Variants in GON4L observed in about 807,000 individuals in gnomAD.
GON4L encodes gon-4 like, also known as GON-4-like protein.
A neutral mutation model predicts 211.8 loss-of-function variants in GON4L; 87 were observed. The observed-to-expected ratio is 0.41, with a 90% CI of 0.35 to 0.49. The LOEUF is 0.49. Ranked by LOEUF, GON4L falls within the 20% of genes least tolerant of loss-of-function variation. The pLI is 0.15. For synonymous variants in GON4L, 875 were observed against 962.6 expected, an observed-to-expected ratio of 0.91 and a Z score of 1.68; for missense variants, 2,155 against 2,659.5, an observed-to-expected ratio of 0.81 and a Z score of 4.17.
Position 155,773,150 on chromosome 1 carries a change from A to T in GON4L, c.2411T>A (p.Phe804Tyr). 1 of 1,614,008 alleles carries T rather than the reference A, an allele frequency of 6.2e-7. No individual in the cohort carries two copies. ...VAWILATSKV[F>Y]MYPELLPVCS... ...CACTGGAAGTAACTCTGGATACATG[A>T]AAACCTTGCTTGTGGCCAGAATCCA... The change falls in exon 18 of 32, where the codon TTC (phenylalanine) becomes TAC (tyrosine). Residue 804 changes from phenylalanine to tyrosine, a missense_variant. Phe to Tyr is a conservative substitution (Grantham distance 22, BLOSUM62 3). Around this residue, in one of 6 missense-constraint regions of GON4L, gnomAD observed 551 missense variants for 854.0 expected, o/e 0.65. Coordinates refer to ENST00000368331, the MANE Select transcript of GON4L (RefSeq NM_001282860.2).
intron 19 of GON4L, among the ~76,000 whole-genome samples, chr1:155,769,239 G>C (rs1662902569): frequency 6.6e-6 from 1 of 152,094 alleles, no homozygotes; most frequent in African/African-American, 2.4e-5. Flanking sequence ...GCCTCCCAAA[G>C]ACCTGGGATT....
intron 19 of GON4L, among the ~76,000 whole-genome samples, chr1:155,767,980 G>C (rs922156911): frequency 2.0e-5 from 3 of 151,962 alleles, no homozygotes; most frequent in African/African-American, 7.3e-5. Context: ...AGAAGAGAAG[G>C]GGGGAAAAAA....
Position 155,841,455 on chromosome 1 carries a change from T to C in GON4L, c.505+11821A>G, listed in dbSNP as rs541353693. Among the ~76,000 whole-genome samples the C allele has an allele frequency of 1.8e-4, 27 of 152,354 alleles. 1 individual carries two copies. Among genetic ancestry groups the C allele is most frequent in the Admixed American group, 8.5e-4 (13 of 15,310 alleles). ...TAATTGCTGCAAGCCAAGATTACAA[T>C]AGCTCAATGCACAGAATTTATAGAT... On this transcript the variant is annotated intron_variant, in intron 2 of 31. Transcript: ENST00000368331.
Position 155,773,467 on chromosome 1 carries a change from C to T in GON4L, c.2351-257G>A, listed in dbSNP as rs112376613. ...CACTTTATTCACTAAGTAAAACAAA[C>T]ACTTAAAAAGCACCTAGTAAAATAA... On this transcript the variant is annotated intron_variant, in intron 17 of 31. Coordinates refer to ENST00000368331, the MANE Select transcript of GON4L (RefSeq NM_001282860.2). 9 of 495,918 alleles carry T rather than the reference C, an allele frequency of 1.8e-5. 1 individual carries two copies. The highest frequency in any genetic ancestry group is 1.2e-4 in the African/African-American group (6 of 51,808). 30.7% of individuals were successfully genotyped at this position (495,918 alleles called of 1,614,324 possible).
chr1:155,835,348 T>C (rs1177590613), intron 2 of GON4L, among the ~76,000 whole-genome samples: 1 of 152,148 alleles, frequency 6.6e-6, no homozygotes, highest in East Asian at 1.9e-4. Context: ...CAGGGTCCTC[T>C]GCCTAGGAAA....
At position 155,815,713 on chromosome 1, in the gene GON4L, A is replaced by G; in HGVS notation, c.1161+92T>C. ...ACAGAAATGAGCTGAAAAAAGAACC[A>G]TGTCTCAATCCTCTCTACAAGTGAC... On this transcript the variant is annotated intron_variant, in intron 8 of 31. Coordinates refer to ENST00000368331, the MANE Select transcript of GON4L (RefSeq NM_001282860.2). 5.1e-6 allele frequency: 4 copies of G among 778,962 alleles called. No individual in the cohort carries two copies. The South Asian group carries it at 5.7e-5, about 11-fold the overall frequency. 48.3% of individuals were successfully genotyped at this position (778,962 alleles called of 1,614,324 possible). A position where few individuals can be genotyped will look rare whatever the true frequency, so the allele number is the denominator to read the frequency against.
chr1:155,830,429 C>T (rs1669650450), intron 2 of GON4L, among the ~76,000 whole-genome samples: 1 of 151,562 alleles, frequency 6.6e-6, no homozygotes, highest in Non-Finnish European at 1.5e-5. Flanking sequence ...AGGCATGCAC[C>T]ACCACGCCCA....
At position 155,832,327 on chromosome 1, in the gene GON4L, A is replaced by G. The variant is rs1669873856; in HGVS notation, c.506-5299T>C. Among the ~76,000 whole-genome samples, 6 of 151,790 alleles carry G rather than the reference A, an allele frequency of 4.0e-5. No homozygotes were observed. The South Asian group carries it at 1.3e-3, about 32-fold the overall frequency. On this transcript the variant is annotated intron_variant, in intron 2 of 31. Coordinates refer to ENST00000368331, the MANE Select transcript of GON4L (RefSeq NM_001282860.2). Reference sequence around the variant, plus strand: ...AGAAAGAAAAAAAAAGAAAAAAGAAACATGATTTAACAATGTATTGCCCGG... The same window carrying G: ...AGAAAGAAAAAAAAAGAAAAAAGAAGCATGATTTAACAATGTATTGCCCGG...
In GON4L at chr1:155,754,564, C is replaced by T. The variant is rs1015976336; in HGVS notation, c.5518-76G>A. The T allele has an allele frequency of 2.5e-5, 22 of 883,838 alleles. No homozygotes were observed. In the Admixed American group the frequency reaches 2.9e-4, roughly 12 times the overall value. The allele number at this position is 883,838 out of a possible 1,614,324, so 54.7% of individuals were successfully genotyped here. ...TTTTTTTTTGAGACAGAGTCTCGCT[C>T]TGTGGCCCAGGCTGGGTTGCAGTGG... is the stretch of plus-strand genomic sequence containing the variant. On this transcript the variant is annotated intron_variant, in intron 27 of 31. Coordinates refer to ENST00000368331, the MANE Select transcript of GON4L (RefSeq NM_001282860.2).
At chr1:155,807,715 AAAAAAAAAAAG>A (rs1190576009) in intron 10 of GON4L, among the ~76,000 whole-genome samples, 2 of 150,022 alleles carry the variant, frequency 1.3e-5, no homozygotes, top group Non-Finnish European at 3.0e-5. Flanking sequence ...AAAAAAAAAA[AAAAAAAAAAAG>A]AAAATCAGAA....
At chr1:155,759,542 C>T (rs531733868) in intron 24 of GON4L, among the ~76,000 whole-genome samples, 12 of 151,910 alleles carry the variant, frequency 7.9e-5, no homozygotes, top group Non-Finnish European at 1.3e-4. Context: ...CCACTGCACT[C>T]CAGCCTGGGC....
downstream of GON4L, chr1:155,748,193 C>T (rs1167853879): frequency 2.1e-5 from 30 of 1,463,074 alleles, no homozygotes; most frequent in East Asian, 2.0e-4. Flanking sequence ...CCCAGTCAGT[C>T]GCTGTCTGTA....
intron 27 of GON4L, among the ~76,000 whole-genome samples, chr1:155,755,307 A>C (rs1335395695): frequency 6.6e-6 from 1 of 152,034 alleles, no homozygotes; most frequent in Non-Finnish European, 1.5e-5. Context: ...GACCTGAAGT[A>C]ATCCGCCCGC....
intron 11 of GON4L, among the ~76,000 whole-genome samples, chr1:155,796,536 C>T (rs926228309): frequency 7.9e-5 from 12 of 152,010 alleles, no homozygotes; most frequent in South Asian, 4.1e-4. Flanking sequence ...CATTGGCCTC[C>T]GAAAGTGCTA....
At chr1:155,750,798 CTG>C (rs1660490611) in intron 31 of GON4L, 65 bp from the exon 32 acceptor site, 5 of 1,461,316 alleles carry the variant, frequency 3.4e-6, no homozygotes, top group African/African-American at 1.4e-5. Flanking sequence ...GAGTCTCTCT[CTG>C]TTGCTGAGAC....
intron 2 of GON4L, among the ~76,000 whole-genome samples, chr1:155,831,061 G>C (rs1426506657): frequency 1.3e-5 from 2 of 152,176 alleles, no homozygotes; most frequent in Admixed American, 1.3e-4. Flanking sequence ...CACTTTGGGA[G>C]GCTGAGGTGG....
chr1:155,777,851 A>G, intron 14 of GON4L, 31 bp from the exon 15 acceptor site: 1 of 1,401,584 alleles, frequency 7.1e-7, no homozygotes, highest in African/African-American at 1.4e-5. Context: ...ACTGAATTTG[A>G]GTGTTTCCGT....
At chr1:155,816,738 G>GTTTC (rs1668271701) in intron 6 of GON4L, among the ~76,000 whole-genome samples, 1 of 139,034 alleles carries the variant, frequency 7.2e-6, no homozygotes, top group Non-Finnish European at 1.5e-5. Flanking sequence ...TGCCTATGGG[G>GTTTC]TAGCCCTGCT....
chr1:155,792,813 G>A (rs550209502), intron 12 of GON4L, among the ~76,000 whole-genome samples: 6 of 152,270 alleles, frequency 3.9e-5, no homozygotes, highest in African/African-American at 1.4e-4. Context: ...CTGGAGTACA[G>A]TGTTGGGATC....
Sources: allele counts gnomAD v4.1 joint callset (sites outside exome capture counted in the v4.1 genomes callset), GRCh38; gene constraint gnomAD v4.1.1; regional missense constraint gnomAD v4.1.1; transcripts MANE v1.5; gene names NCBI Gene and HGNC (gene_info 2026-07-23, HGNC 2026-07-21).